CASZ1: variants seen among roughly 807,000 people sequenced by gnomAD.
The protein encoded by CASZ1 is zinc finger protein castor homolog 1.
In CASZ1, 28 loss-of-function variants were observed where a neutral mutation model predicts 135.2. That is an observed-to-expected ratio of 0.21 (90% CI 0.15 to 0.28). CASZ1 has a LOEUF of 0.28. Ranked by LOEUF, CASZ1 falls within the 10% of genes least tolerant of loss-of-function variation. The pLI, the probability that CASZ1 is intolerant of heterozygous loss-of-function variation, is 1.00. For missense variants in CASZ1, 2,161 were observed against 2,453.3 expected (o/e 0.88, Z 2.52); for synonymous variants, 1,068 against 1,073.4 (o/e 0.99, Z 0.10).
chr1:10,758,868 G>A (rs1640309653), intron 2 of CASZ1, among the ~76,000 whole-genome samples: 1 of 152,182 alleles, frequency 6.6e-6, no homozygotes, highest in African/African-American at 2.4e-5. Context: ...GGAGGGACTT[G>A]GCCATGATAT....
intron 2 of CASZ1, among the ~76,000 whole-genome samples, chr1:10,731,276 T>C (rs896293641): frequency 5.9e-5 from 9 of 151,956 alleles, no homozygotes; most frequent in African/African-American, 2.2e-4. Context: ...ATCCCATCTT[T>C]ACAAAATAAA....
intron 4 of CASZ1, among the ~76,000 whole-genome samples, chr1:10,689,346 G>C (rs1638693746): frequency 6.6e-6 from 1 of 152,220 alleles, no homozygotes; most frequent in South Asian, 2.1e-4. Context: ...AAAGGTGCCT[G>C]CATTTATTTT....
At chr1:10,750,537 G>C (rs1311018670) in intron 2 of CASZ1, among the ~76,000 whole-genome samples, 4 of 152,056 alleles carry the variant, frequency 2.6e-5, no homozygotes, top group Admixed American at 2.6e-4. Context: ...CAAAACGCTG[G>C]GATTACAGGC....
chr1:10,669,822 G>A (rs1276468089), intron 4 of CASZ1, among the ~76,000 whole-genome samples: 3 of 152,180 alleles, frequency 2.0e-5, no homozygotes, highest in Non-Finnish European at 2.9e-5. Context: ...CTCCCCAGCC[G>A]TGAGTAATGT....
rs1228699775 is a variant in CASZ1 at position 10,647,824 on chromosome 1, G to A, written c.3474C>T (p.Pro1158=). ...SLENAKPQVK[P]GFLQFQENDP... The stretch of plus-strand genomic sequence containing the variant: ...ACTTCTCCTGGAACTGGAGGAATCC[G>A]GGTTTGACCTGGGGCTTGGCGTTCT... The change falls in exon 16 of 21, where the codon CCC becomes CCT. Residue 1158 remains proline, a synonymous_variant. Transcript: ENST00000377022. The surrounding 1 kb of genome is among the most constrained non-coding windows in gnomAD (Gnocchi z 4.9). 9 of 1,613,690 alleles carry A rather than the reference G, an allele frequency of 5.6e-6. No individual in the cohort carries two copies. The highest frequency in any genetic ancestry group is 2.2e-5 in the East Asian group (1 of 44,886).
intron 2 of CASZ1, among the ~76,000 whole-genome samples, chr1:10,715,505 C>A (rs962631832): frequency 4.6e-5 from 7 of 151,398 alleles, no homozygotes; most frequent in Non-Finnish European, 8.8e-5. Context: ...CCACAGCACC[C>A]AATCCACACC....
At chr1:10,795,409 C>A (rs1570601222) in intron 1 of CASZ1, among the ~76,000 whole-genome samples, 1 of 152,336 alleles carries the variant, frequency 6.6e-6, no homozygotes, top group African/African-American at 2.4e-5. Context: ...GGCTCCTCCT[C>A]CCCAATTGTT....
intron 5 of CASZ1, 44 bp downstream of exon 5, chr1:10,665,039 C>T: frequency 6.7e-7 from 1 of 1,488,404 alleles, no homozygotes; most frequent in Non-Finnish European, 8.9e-7. Flanking sequence ...CCACTGGCCT[C>T]CCTGTCCTGG....
Position 10,669,674 on chromosome 1 carries a change from C to T in CASZ1, c.17-4103G>A, listed in dbSNP as rs138740537. On this transcript the variant is annotated intron_variant, in intron 4 of 20. Coordinates refer to ENST00000377022, the MANE Select transcript of CASZ1 (RefSeq NM_001079843.3). Reference sequence around the variant, plus strand: ...ACCTGGTCAGGGCCAGGCCCCCTCCCGCAGGCATCCTGGGTTCAAGGGGAG... The same window carrying T: ...ACCTGGTCAGGGCCAGGCCCCCTCCTGCAGGCATCCTGGGTTCAAGGGGAG... Among the ~76,000 whole-genome samples the T allele has an allele frequency of 4.0e-3, 616 of 152,292 alleles. 2 individuals are homozygous for T. The highest frequency in any genetic ancestry group is 0.014 in the African/African-American group (578 of 41,572).
chr1:10,672,810 G>A (rs1052964127), intron 4 of CASZ1, among the ~76,000 whole-genome samples: 2 of 152,214 alleles, frequency 1.3e-5, no homozygotes, highest in South Asian at 2.1e-4. Context: ...GACATTCCAC[G>A]CCTGCGAGAG....
chr1:10,642,918 G>A lies in CASZ1; in HGVS notation c.4103C>T (p.Ser1368Leu). The change falls in exon 20 of 21, where the codon TCA (serine) becomes TTA (leucine). Residue 1368 changes from serine to leucine, a missense_variant. Around this residue, in one of 7 missense-constraint regions of CASZ1, gnomAD observed 143 missense variants for 128.3 expected, o/e 1.11. Transcript: ENST00000377022. ...GGAGCAGCTCCGGTCCATGGTGGAT[G>A]ACTCAGAGGACATGGCGCCTGGGCT... ...GCSPGAMSSE[S>L]STMDRSCSST... 1 of 1,613,088 alleles carries A rather than the reference G, an allele frequency of 6.2e-7. No individual in the cohort carries two copies. Among genetic ancestry groups the A allele is most frequent in the Non-Finnish European group, 8.5e-7 (1 of 1,179,990 alleles).
chr1:10,675,924 C>A (rs1643555269), intron 4 of CASZ1, among the ~76,000 whole-genome samples: 1 of 152,184 alleles, frequency 6.6e-6, no homozygotes, highest in Admixed American at 6.5e-5. Context: ...CCAGAGCTGC[C>A]TGGGATGGGC....
At position 10,774,655 on chromosome 1, in the gene CASZ1, GC is replaced by G. The variant is rs1640631493; in HGVS notation, c.-233-13799del. On this transcript the variant is annotated intron_variant, in intron 1 of 20. Coordinates refer to ENST00000377022, the MANE Select transcript of CASZ1 (RefSeq NM_001079843.3). The surrounding 1 kb of genome is among the most constrained non-coding windows in gnomAD (Gnocchi z 4.4). ...GCTCTGGCCCCACTGCTGGAGACTG[GC>G]CTGACTCTTGGGTATCTCCCACCAC... Among the ~76,000 whole-genome samples, 1 of 152,026 alleles carries G rather than the reference GC, an allele frequency of 6.6e-6. No homozygotes were observed. The highest frequency in any genetic ancestry group is 2.4e-5 in the African/African-American group (1 of 41,372).
rs1489830926 is a variant in CASZ1, at chr1:10,647,448, CG to C, written c.3497+352del. On this transcript the variant is annotated intron_variant, in intron 16 of 20. Coordinates refer to ENST00000377022, the MANE Select transcript of CASZ1 (RefSeq NM_001079843.3). This position sits in a 1 kb window ranked among gnomAD's most constrained non-coding sequence, Gnocchi z 4.9. ...GTGTGAGCCACAGAGGAGGCCAATA[CG>C]GAGGCTCGGAGGGAGACGCAGCCCT... 1 of 1,184,848 alleles carries C rather than the reference CG, an allele frequency of 8.4e-7. No individual in the cohort carries two copies. The highest frequency in any genetic ancestry group is 1.1e-6 in the Non-Finnish European group (1 of 947,318). The allele number at this position is 1,184,848 out of a possible 1,614,324, so 73.4% of individuals were successfully genotyped here. A position where few individuals can be genotyped will look rare whatever the true frequency, so the allele number is the denominator to read the frequency against.
chr1:10,644,891 C>T, intron 18 of CASZ1, 26 bp downstream of exon 18: 1 of 1,598,824 alleles, frequency 6.3e-7, no homozygotes, highest in Non-Finnish European at 8.5e-7. Flanking sequence ...CTGCAAGTCC[C>T]TGCCCGCAGC....
At chr1:10,708,320 A>T (rs1241372005) in intron 2 of CASZ1, among the ~76,000 whole-genome samples, 2 of 152,162 alleles carry the variant, frequency 1.3e-5, no homozygotes, top group Admixed American at 6.5e-5. Context: ...TTGCACAAGT[A>T]AGGATGAGTG....
At chr1:10,704,741 G>C (rs570243558) in intron 3 of CASZ1, among the ~76,000 whole-genome samples, 2 of 152,360 alleles carry the variant, frequency 1.3e-5, no homozygotes, top group East Asian at 1.9e-4. Flanking sequence ...CTCGCCCGCC[G>C]GGCAGGCCCC....
At position 10,733,389 on chromosome 1, in the gene CASZ1, A is replaced by G. The variant is rs76356503; in HGVS notation, c.-77+27312T>C. Among the ~76,000 whole-genome samples, 875 of 152,276 alleles carry G rather than the reference A, an allele frequency of 5.7e-3. 42 individuals are homozygous for G. In the East Asian group the frequency reaches 0.13, roughly 22 times the overall value. On this transcript the variant is annotated intron_variant, in intron 2 of 20. Coordinates refer to ENST00000377022, the MANE Select transcript of CASZ1 (RefSeq NM_001079843.3). Reference sequence around the variant, plus strand: ...GTGTCCAGAGACCCTGACACTCGCCACTGCCGAGAGGAAGCTCATGGTACA... The same window carrying G: ...GTGTCCAGAGACCCTGACACTCGCCGCTGCCGAGAGGAAGCTCATGGTACA...
At position 10,726,882 on chromosome 1, in the gene CASZ1, T is replaced by C. The variant is rs1254601452; in HGVS notation, c.-76-21338A>G. Among the ~76,000 whole-genome samples, 1 of 151,840 alleles carries C rather than the reference T, an allele frequency of 6.6e-6. No individual in the cohort carries two copies. The highest frequency in any genetic ancestry group is 2.4e-5 in the African/African-American group (1 of 41,304). On this transcript the variant is annotated intron_variant, in intron 2 of 20. Coordinates refer to ENST00000377022, the MANE Select transcript of CASZ1 (RefSeq NM_001079843.3). This position sits in a 1 kb window ranked among gnomAD's most constrained non-coding sequence, Gnocchi z 5.7. ...CTGCTCCGTGTCCTGGGGGAAATGG[T>C]TCAGGGAATGAATCAGCACCTGCCA...
Sources: gnomAD v4.1 joint callset for allele counts (sites outside exome capture counted in the v4.1 genomes callset) on GRCh38, gnomAD v4.1.1 for gene constraint, gnomAD v4.1.1 regional missense constraint, Gnocchi (gnomAD v3.1) non-coding constraint, MANE v1.5 for transcripts, NCBI Gene and HGNC (gene_info 2026-07-23, HGNC 2026-07-21) for gene names.